ABCC6: variants seen among roughly 807,000 people sequenced by gnomAD.
The protein encoded by ABCC6 is ATP-binding cassette sub-family C member 6.
Under a neutral mutation model 169.5 loss-of-function variants are expected in ABCC6, and 126 were observed. That is an observed-to-expected ratio of 0.74 (90% CI 0.64 to 0.86). The LOEUF is 0.86. Ranked by LOEUF, ABCC6 falls within the 40% of genes least tolerant of loss-of-function variation. The pLI is 0.00. For missense variants in ABCC6, 1,733 were observed against 1,927.2 expected, an observed-to-expected ratio of 0.90 and a Z score of 1.89; for synonymous variants, 752 against 814.7, an observed-to-expected ratio of 0.92 and a Z score of 1.31.
intron 7 of ABCC6, among the ~76,000 whole-genome samples, chr16:16,204,570 C>T (rs1031126300): frequency 1.3e-5 from 2 of 152,166 alleles, no homozygotes; most frequent in Non-Finnish European, 2.9e-5. Flanking sequence ...TGGCTATAAC[C>T]AGGGGCCACA....
Position 16,161,578 on chromosome 16 carries a change from C to T in ABCC6, c.3507-14G>A, listed in dbSNP as rs1006071217. Reference sequence around the variant, plus strand: ...GCCGCAAGCCACCTGCAAAGGGAAGCGACAGCAGGGTGAGTGGTTACTCTC... The same window carrying T: ...GCCGCAAGCCACCTGCAAAGGGAAGTGACAGCAGGGTGAGTGGTTACTCTC... On this transcript the variant is annotated splice_polypyrimidine_tract_variant and intron_variant, in intron 24 of 30. Transcript: ENST00000205557. 8.1e-6 allele frequency: 13 copies of T among 1,613,718 alleles called. 1 individual carries two copies. Among genetic ancestry groups the T allele is most frequent in the Admixed American group, 5.0e-5 (3 of 60,006 alleles).
intron 14 of ABCC6, 42 bp from the exon 15 acceptor site, chr16:16,185,076 G>A: frequency 1.3e-6 from 2 of 1,587,546 alleles, no homozygotes; most frequent in South Asian, 1.1e-5. Context: ...CCCCTGACCT[G>A]GCCGGCCTCT....
At position 16,161,507 on chromosome 16, in the gene ABCC6, C is replaced by T. The variant is rs58494932; in HGVS notation, c.3564G>A (p.Thr1188=). The change falls in exon 25 of 31, where the codon ACG becomes ACA. Residue 1188 remains threonine (T), a synonymous_variant. Coordinates refer to ENST00000205557, the MANE Select transcript of ABCC6 (RefSeq NM_001171.6). ...LGNGLVFAAA[T]CAVLSKAHLS... is the part of the protein sequence containing the mutation. Reference sequence around the variant, plus strand: ...GGTGGGCTTTGCTCAGCACAGCACACGTGGCAGCTGCAAACACCAGGCCAT... The same window carrying T: ...GGTGGGCTTTGCTCAGCACAGCACATGTGGCAGCTGCAAACACCAGGCCAT... The T allele has an allele frequency of 1.6e-4, 258 of 1,613,992 alleles. 6 individuals are homozygous for T. The highest frequency in any genetic ancestry group is 1.4e-3 in the South Asian group (126 of 91,086).
chr16:16,174,760 A>ACCCCACCCCCCC (rs2047217780), intron 20 of ABCC6, among the ~76,000 whole-genome samples: 1 of 94,634 alleles, frequency 1.1e-5, no homozygotes, highest in African/African-American at 3.4e-5. Context: ...CTGTCTCAAA[A>ACCCCACCCCCCC]CCCCCCCCCG....
chr16:16,174,105 C>G (rs572275162), intron 20 of ABCC6, among the ~76,000 whole-genome samples: 202 of 152,266 alleles, frequency 1.3e-3, no homozygotes, highest in Non-Finnish European at 2.4e-3. Flanking sequence ...TGTCTACCTA[C>G]CTTCTATTAA....
chr16:16,203,823 G>C (rs2152284293), intron 7 of ABCC6, among the ~76,000 whole-genome samples: 1 of 152,242 alleles, frequency 6.6e-6, no homozygotes, highest in Non-Finnish European at 1.5e-5. Flanking sequence ...AGGGCACTCT[G>C]AGGCCTCTTA....
In ABCC6 at chr16:16,154,965, C is replaced by A; in HGVS notation, c.3949G>T (p.Glu1317Ter). ...SLASGLLRLQ[E>*]AAEGGIWIDG... The stretch of plus-strand genomic sequence containing the variant: ...ATCCAGATCCCACCCTCAGCTGCCT[C>A]CTGGAGCCGCAGCAGCCCACTGGCC... The change falls in exon 28 of 31, where the codon GAG becomes TAG. Residue 1317 changes from glutamate to a stop codon, truncating the protein, a stop_gained. Coordinates refer to ENST00000205557, the MANE Select transcript of ABCC6 (RefSeq NM_001171.6). LOFTEE classifies it high-confidence loss of function. 1 of 1,582,188 alleles carries A rather than the reference C, an allele frequency of 6.3e-7. No individual in the cohort carries two copies. The highest frequency in any genetic ancestry group is 8.6e-7 in the Non-Finnish European group (1 of 1,164,478).
chr16:16,190,282 C>A lies in ABCC6; in HGVS notation c.1517G>T (p.Trp506Leu), dbSNP rs151130276. The change falls in exon 12 of 31, where the codon TGG becomes TTG. Residue 506 changes from tryptophan (W) to leucine (L), a missense_variant. This residue lies in a region of ABCC6 where 1,601 missense variants were observed against 1,635.5 expected (regional missense o/e 0.98). Coordinates refer to ENST00000205557, the MANE Select transcript of ABCC6 (RefSeq NM_001171.6). ...GACTCTGTCCAGAAAGGCTCCCTCC[C>A]AGCCATGGAACTTGATGGTCTTCGA... ...RNSKTIKFHG[W>L]EGAFLDRVLG... The A allele has an allele frequency of 1.9e-6, 3 of 1,614,050 alleles. No homozygotes were observed. The African/African-American group carries it at 4.0e-5, about 22-fold the overall frequency.
At chr16:16,220,961 C>T (rs1166595591) in intron 2 of ABCC6, among the ~76,000 whole-genome samples, 1 of 151,366 alleles carries the variant, frequency 6.6e-6, no homozygotes, top group South Asian at 2.1e-4. Context: ...ATGACTATTG[C>T]GTTCATTCTG....
At chr16:16,201,966 G>C (rs760744877) in intron 9 of ABCC6, 35 bp downstream of exon 9, 1 of 1,613,208 alleles carries the variant, frequency 6.2e-7, no homozygotes, top group Admixed American at 1.7e-5. Context: ...GCTTTTCCTG[G>C]CTGGGAAGAC....
rs186285245 is a variant in ABCC6 at position 16,156,639 on chromosome 16, C to T, written c.3882+1024G>A. Among the ~76,000 whole-genome samples, 348 of 152,178 alleles carry T rather than the reference C, an allele frequency of 2.3e-3. 2 individuals are homozygous for T. The highest frequency in any genetic ancestry group is 7.4e-3 in the African/African-American group (306 of 41,534). On this transcript the variant is annotated intron_variant, in intron 27 of 30. Coordinates refer to ENST00000205557, the MANE Select transcript of ABCC6 (RefSeq NM_001171.6). Reference sequence around the variant, plus strand: ...TGAGCAGGGGAATGACATGCAGTGTCATTCATGCTGATAAAGGTCACAGGA... The same window carrying T: ...TGAGCAGGGGAATGACATGCAGTGTTATTCATGCTGATAAAGGTCACAGGA...
Position 16,152,453 on chromosome 16 carries a change from A to G in ABCC6, c.4209-1681T>C, listed in dbSNP as rs187911146. Among the ~76,000 whole-genome samples, 401 of 151,946 alleles carry G rather than the reference A, an allele frequency of 2.6e-3. 1 individual carries two copies. The highest frequency in any genetic ancestry group is 9.0e-3 in the African/African-American group (372 of 41,448). ...GTTAGAGTGCCTGGGTCTTGTCCCAACCTCACTACTTTTAAGCTGTGTGAC... is the reference window on the plus strand; with the variant it reads ...GTTAGAGTGCCTGGGTCTTGTCCCAGCCTCACTACTTTTAAGCTGTGTGAC... On this transcript the variant is annotated intron_variant, in intron 29 of 30. Coordinates refer to ENST00000205557, the MANE Select transcript of ABCC6 (RefSeq NM_001171.6).
chr16:16,179,672 C>T (rs917024954), intron 17 of ABCC6, among the ~76,000 whole-genome samples: 4 of 152,206 alleles, frequency 2.6e-5, no homozygotes, highest in African/African-American at 7.2e-5. Flanking sequence ...CTCACTGCAA[C>T]CTCTGCCTCC....
rs140013237 is a variant in ABCC6, at chr16:16,182,525, A to G, written c.2134T>C (p.Cys712Arg). 54 of 1,614,074 alleles carry G rather than the reference A, an allele frequency of 3.3e-5. No homozygotes were observed. Among genetic ancestry groups the G allele is most frequent in the Non-Finnish European group, 7.6e-6 (9 of 1,180,044 alleles). Reference protein sequence around the residue: ...VQNTSVVENVCFGQELDPPWL... With the variant: ...VQNTSVVENVRFGQELDPPWL... ...GGTGGGTCCAGCTCCTGCCCGAAGC[A>G]CACATTCTCTACCACAGAGGTGTTC... Residue 712 changes from cysteine to arginine, a missense_variant, in exon 17 of 31, where the codon TGC becomes CGC. By Grantham distance (180) the Cys-to-Arg change is radical. Transcript: ENST00000205557.
chr16:16,194,490 C>T (rs1677626190), intron 10 of ABCC6, among the ~76,000 whole-genome samples: 1 of 152,158 alleles, frequency 6.6e-6, no homozygotes, highest in Non-Finnish European at 1.5e-5. Flanking sequence ...TGGTTATCTT[C>T]CCCCTCTCGG....
At chr16:16,168,528 T>C (rs369792285) in intron 22 of ABCC6, among the ~76,000 whole-genome samples, 8 of 152,022 alleles carry the variant, frequency 5.3e-5, no homozygotes, top group Non-Finnish European at 1.2e-4. Flanking sequence ...CAAACTCACA[T>C]GTGCACTCCT....
intron 17 of ABCC6, among the ~76,000 whole-genome samples, chr16:16,181,090 G>C (rs915832964): frequency 6.6e-6 from 1 of 152,048 alleles, no homozygotes; most frequent in Non-Finnish European, 1.5e-5. Context: ...GATCACTTGA[G>C]GTCAGAAGTT....
intron 25 of ABCC6, 32 bp from the exon 26 acceptor site, chr16:16,159,615 G>C: frequency 1.2e-6 from 2 of 1,607,390 alleles, no homozygotes; most frequent in Non-Finnish European, 1.7e-6. Context: ...GGCTGGGTTT[G>C]GCAAGGCCAC....
chr16:16,191,502 C>T (rs1018786976), intron 11 of ABCC6, among the ~76,000 whole-genome samples: 5 of 152,256 alleles, frequency 3.3e-5, no homozygotes, highest in Admixed American at 6.5e-5. Flanking sequence ...AGGTGACAGA[C>T]GGACACTGGG....
Sources: gnomAD v4.1 joint callset for allele counts (sites outside exome capture counted in the v4.1 genomes callset) on GRCh38, gnomAD v4.1.1 for gene constraint, gnomAD v4.1.1 regional missense constraint, MANE v1.5 for transcripts, NCBI Gene and HGNC (gene_info 2026-07-23, HGNC 2026-07-21) for gene names.